UFSP2: variants seen among roughly 807,000 people sequenced by gnomAD.
UFSP2 encodes the protein UFM1 specific peptidase 2.
In UFSP2, 43 loss-of-function variants were observed where a neutral mutation model predicts 60.2. The observed-to-expected ratio is 0.71, with a 90% CI of 0.56 to 0.92. The LOEUF (loss-of-function observed/expected upper bound fraction) is 0.92. Ranked by LOEUF, UFSP2 falls within the 40% of genes least tolerant of loss-of-function variation. UFSP2 has a pLI of 0.00. For synonymous variants in UFSP2, 183 were observed against 195.1 expected (o/e 0.94, Z 0.52); for missense variants, 520 against 575.0 (o/e 0.90, Z 0.98).
At chr4:185,405,742 TACTC>T (rs373734985) in intron 10 of UFSP2, 34 bp downstream of exon 10, 27 of 1,589,010 alleles carry the variant, frequency 1.7e-5, no homozygotes, top group African/African-American at 9.4e-5. Context: ...TTTTGCATAT[TACTC>T]ACTCTACCAA....
intron 11 of UFSP2, among the ~76,000 whole-genome samples, chr4:185,402,719 GC>G (rs2095514822): frequency 6.6e-6 from 1 of 152,098 alleles, no homozygotes; most frequent in South Asian, 2.1e-4. Context: ...CAGGTGATCT[GC>G]CCACCTCAGC....
intron 10 of UFSP2, among the ~76,000 whole-genome samples, chr4:185,404,861 A>G (rs549663204): frequency 3.8e-4 from 58 of 152,290 alleles, no homozygotes; most frequent in African/African-American, 1.3e-3. Context: ...GCTGGATTAC[A>G]GGCATGAGCC....
chr4:185,419,106 T>C (rs2095544608), intron 2 of UFSP2, among the ~76,000 whole-genome samples: 1 of 152,140 alleles, frequency 6.6e-6, no homozygotes, highest in Non-Finnish European at 1.5e-5. Flanking sequence ...TTTCTCTAAT[T>C]GAAAATTTTC....
chr4:185,418,607 C>T lies in UFSP2; in HGVS notation c.246G>A (p.Lys82=). ...PGELTDASAC[K]NILRFIQFEP... Reference sequence around the variant, plus strand: ...CTCACTGAATAAAGCGCAGTATGTTCTTACAAGCAGAAGCATCAGTCAGTT... The same window carrying T: ...CTCACTGAATAAAGCGCAGTATGTTTTTACAAGCAGAAGCATCAGTCAGTT... Residue 82 remains lysine, a synonymous_variant, in exon 3 of 12, where the codon AAG becomes AAA. Coordinates refer to ENST00000264689, the MANE Select transcript of UFSP2 (RefSeq NM_018359.5). The T allele has an allele frequency of 3.7e-6, 6 of 1,613,384 alleles. No homozygotes were observed. The highest frequency in any genetic ancestry group is 5.1e-6 in the Non-Finnish European group (6 of 1,179,852).
At position 185,400,157 on chromosome 4, in the gene UFSP2, T is replaced by G; in HGVS notation, c.*235A>C. On this transcript the variant is annotated 3_prime_UTR_variant, in exon 12 of 12. Transcript: ENST00000264689. ...AAACTTTCTTCCAAGTGAAGATCCA[T>G]TTAAGAACACATGTATTTACATGCC... 1.2e-6 allele frequency: 1 copy of G among 828,186 alleles called. No individual in the cohort carries two copies. Among genetic ancestry groups the G allele is most frequent in the Non-Finnish European group, 1.9e-6 (1 of 529,652 alleles). 51.3% of individuals were successfully genotyped at this position (828,186 alleles called of 1,614,324 possible).
At chr4:185,408,126 A>AT (rs1281602057) in intron 8 of UFSP2, 66 bp from the exon 9 acceptor site, 3 of 1,563,446 alleles carry the variant, frequency 1.9e-6, no homozygotes, top group Admixed American at 3.5e-5. Context: ...TGTTTAGGGC[A>AT]TTTTCCCTGA....
chr4:185,417,854 G>C (rs978864212), intron 4 of UFSP2, among the ~76,000 whole-genome samples: 1 of 152,094 alleles, frequency 6.6e-6, no homozygotes, highest in African/African-American at 2.4e-5. Context: ...GACCAGCGTG[G>C]CCAACCTGGT....
intron 1 of UFSP2, among the ~76,000 whole-genome samples, chr4:185,424,396 G>A (rs1580089422): frequency 1.3e-5 from 2 of 152,278 alleles, no homozygotes; most frequent in East Asian, 3.9e-4. Flanking sequence ...GTATTAAATA[G>A]GTACCAATAC....
In UFSP2 at chr4:185,418,446, C is replaced by T. The variant is rs1202521894; in HGVS notation, c.328G>A (p.Asp110Asn). The change falls in exon 4 of 12, where the codon GAC (aspartate) becomes AAC (asparagine). Residue 110 changes from aspartate to asparagine, a missense_variant. Asp to Asn is a conservative substitution (Grantham distance 23, BLOSUM62 1). Coordinates refer to ENST00000264689, the MANE Select transcript of UFSP2 (RefSeq NM_018359.5). Reference sequence around the variant, plus strand: ...AAGACAGATAGTTTGCTTACCATGTCTGATAACTTTTTGTCCTTCTTTCTC... The same window carrying T: ...AAGACAGATAGTTTGCTTACCATGTTTGATAACTTTTTGTCCTTCTTTCTC... The part of the protein sequence containing the change: ...FMRKKDKKLS[D>N]MHQIVNIDLM... 10 of 1,606,748 alleles carry T rather than the reference C, an allele frequency of 6.2e-6. No homozygotes were observed. The highest frequency in any genetic ancestry group is 8.5e-6 in the Non-Finnish European group (10 of 1,174,446).
chr4:185,405,836 G>A lies in UFSP2; in HGVS notation c.1142C>T (p.Ser381Phe). The A allele has an allele frequency of 6.2e-7, 1 of 1,614,068 alleles. No homozygotes were observed. Among genetic ancestry groups the A allele is most frequent in the Non-Finnish European group, 8.5e-7 (1 of 1,179,992 alleles). ...ATGATTAGCCAGTTCCCGTCCTTGA[G>A]AGGCAATTTCTGAACCTTGGCTAGA... ...LFVSQGSEIA[S>F]QGRELANHFQ... is the part of the protein sequence containing the mutation. The change falls in exon 10 of 12, where the codon TCT (serine) becomes TTT (phenylalanine). Residue 381 changes from serine to phenylalanine, a missense_variant. Coordinates refer to ENST00000264689, the MANE Select transcript of UFSP2 (RefSeq NM_018359.5).
intron 9 of UFSP2, 46 bp from the exon 10 acceptor site, chr4:185,405,902 C>A: frequency 6.2e-7 from 1 of 1,613,284 alleles, no homozygotes; most frequent in Non-Finnish European, 8.5e-7. Context: ...TCCAACACTA[C>A]GGTCAAATAA....
At chr4:185,421,803 G>T (rs2095549893) in intron 2 of UFSP2, among the ~76,000 whole-genome samples, 1 of 152,212 alleles carries the variant, frequency 6.6e-6, no homozygotes, top group African/African-American at 2.4e-5. Flanking sequence ...TTTCATGAGT[G>T]ATTTCATTTA....
intron 2 of UFSP2, among the ~76,000 whole-genome samples, chr4:185,419,141 T>C (rs917457631): frequency 4.0e-5 from 6 of 151,218 alleles, no homozygotes; most frequent in Admixed American, 3.9e-4. Flanking sequence ...CATCTTTTCT[T>C]TTTTTTTTGA....
chr4:185,411,258 A>C (rs2095528882), intron 7 of UFSP2, among the ~76,000 whole-genome samples: 2 of 152,056 alleles, frequency 1.3e-5, no homozygotes, highest in Non-Finnish European at 2.9e-5. Flanking sequence ...ACCAAAACTA[A>C]ATTGGTTACT....
chr4:185,406,069 C>T, intron 9 of UFSP2: 4 of 1,025,452 alleles, frequency 3.9e-6, no homozygotes, highest in Non-Finnish European at 5.6e-6. Context: ...ACCAAGTGTG[C>T]TAGATAAGAC....
chr4:185,409,032 G>A (rs552627370), intron 7 of UFSP2, among the ~76,000 whole-genome samples: 8 of 152,106 alleles, frequency 5.3e-5, no homozygotes, highest in Non-Finnish European at 1.2e-4. Flanking sequence ...AGCTCAGTGA[G>A]TACATACACT....
intron 7 of UFSP2, among the ~76,000 whole-genome samples, chr4:185,408,989 T>TA (rs2095524788): frequency 6.6e-6 from 1 of 152,200 alleles, no homozygotes; most frequent in Non-Finnish European, 1.5e-5. Context: ...ACTTATCATT[T>TA]AAAAAATATC....
chr4:185,409,435 C>T (rs1246586212), intron 7 of UFSP2, among the ~76,000 whole-genome samples: 1 of 152,086 alleles, frequency 6.6e-6, no homozygotes, highest in African/African-American at 2.4e-5. Flanking sequence ...AGTGATCCTC[C>T]TGCCTCAGCC....
intron 9 of UFSP2, 47 bp downstream of exon 9, chr4:185,407,889 G>A (rs1453610235): frequency 1.3e-6 from 2 of 1,565,214 alleles, no homozygotes; most frequent in Non-Finnish European, 1.7e-6. Context: ...TAAAATGACA[G>A]ACTGTCACTT....
Sources: allele counts gnomAD v4.1 joint callset (sites outside exome capture counted in the v4.1 genomes callset), GRCh38; gene constraint gnomAD v4.1.1; transcripts MANE v1.5; gene names NCBI Gene and HGNC (gene_info 2026-07-23, HGNC 2026-07-21).